Variants in CADM1 observed in about 807,000 individuals in gnomAD.
CADM1 encodes cell adhesion molecule 1, also known as TSLC-1.
Under a neutral mutation model 53.1 loss-of-function variants are expected in CADM1, and 15 were observed. The ratio of observed to expected loss-of-function variants is 0.28; its 90% CI spans 0.19 to 0.44. CADM1 has a LOEUF of 0.44. Ranked by LOEUF, CADM1 falls within the 20% of genes least tolerant of loss-of-function variation. CADM1 has a pLI of 1.00. For missense variants in CADM1, 434 were observed against 611.3 expected, an observed-to-expected ratio of 0.71 and a Z score of 3.06; for synonymous variants, 281 against 243.0, an observed-to-expected ratio of 1.16 and a Z score of -1.45.
At chr11:115,239,489 T>G (rs1252684605) in intron 2 of CADM1, among the ~76,000 whole-genome samples, 1 of 152,178 alleles carries the variant, frequency 6.6e-6, no homozygotes, top group African/African-American at 2.4e-5. Context: ...CTTTCTTAAT[T>G]TTGGCAAAGA....
intron 8 of CADM1, among the ~76,000 whole-genome samples, chr11:115,204,397 A>G (rs1211188739): frequency 6.6e-6 from 1 of 152,214 alleles, no homozygotes; most frequent in Non-Finnish European, 1.5e-5. Flanking sequence ...CAATGTGTGT[A>G]ACCTGTTCTC....
At chr11:115,442,487 G>T (rs1948339445) in intron 1 of CADM1, among the ~76,000 whole-genome samples, 1 of 152,106 alleles carries the variant, frequency 6.6e-6, no homozygotes, top group African/African-American at 2.4e-5. Context: ...ATCAGTGCAG[G>T]TACATTAGCC....
At chr11:115,218,677 G>C (rs540371470) in intron 5 of CADM1, among the ~76,000 whole-genome samples, 1 of 152,324 alleles carries the variant, frequency 6.6e-6, no homozygotes, top group South Asian at 2.1e-4. Flanking sequence ...CAGAGAGAGA[G>C]ACAGCCCCAT....
intron 1 of CADM1, among the ~76,000 whole-genome samples, chr11:115,379,292 C>A (rs1160667670): frequency 6.6e-6 from 1 of 152,174 alleles, no homozygotes; most frequent in Non-Finnish European, 1.5e-5. Context: ...ATATGTAATA[C>A]TGAAGACATT....
At position 115,438,686 on chromosome 11, in the gene CADM1, A is replaced by C. The variant is rs564145831; in HGVS notation, c.124+65585T>G. On this transcript the variant is annotated intron_variant, in intron 1 of 11. Coordinates refer to ENST00000331581, the MANE Select transcript of CADM1 (RefSeq NM_001301043.2). ...CTACATTTTCTAATGATACTAATAA[A>C]CTGTTAGAGAACTTTTACATAATAT... Among the ~76,000 whole-genome samples, 20 of 152,228 alleles carry C rather than the reference A, an allele frequency of 1.3e-4. No homozygotes were observed. The South Asian group carries it at 3.9e-3, about 30-fold the overall frequency.
intron 1 of CADM1, among the ~76,000 whole-genome samples, chr11:115,467,785 C>G: frequency 6.6e-6 from 1 of 152,136 alleles, no homozygotes; most frequent in Non-Finnish European, 1.5e-5. Flanking sequence ...TACTCTTCAG[C>G]AAGCCAAGGC....
intron 3 of CADM1, among the ~76,000 whole-genome samples, chr11:115,233,430 G>A (rs901723032): frequency 3.3e-5 from 5 of 152,144 alleles, no homozygotes; most frequent in African/African-American, 1.2e-4. Context: ...CTTTCACATA[G>A]TTCATCCATG....
intron 1 of CADM1, among the ~76,000 whole-genome samples, chr11:115,417,917 G>A (rs575589959): frequency 9.2e-5 from 14 of 152,256 alleles, no homozygotes; most frequent in African/African-American, 2.9e-4. Context: ...AACGACACCT[G>A]TAGTGAAGAT....
At chr11:115,340,836 T>G (rs1945427714) in intron 1 of CADM1, among the ~76,000 whole-genome samples, 1 of 150,582 alleles carries the variant, frequency 6.6e-6, no homozygotes, top group Admixed American at 6.6e-5. Flanking sequence ...AATTTTTGTA[T>G]TTTTAGTAGA....
At chr11:115,241,143 C>A (rs1386164400) in intron 1 of CADM1, among the ~76,000 whole-genome samples, 1 of 152,154 alleles carries the variant, frequency 6.6e-6, no homozygotes, top group Admixed American at 6.5e-5. Flanking sequence ...AAAGTCGAGG[C>A]TTTCAGATTC....
At chr11:115,354,431 A>G (rs1023987004) in intron 1 of CADM1, among the ~76,000 whole-genome samples, 1 of 152,154 alleles carries the variant, frequency 6.6e-6, no homozygotes, top group African/African-American at 2.4e-5. Context: ...TAACCCTGAT[A>G]TTCTTAAGAC....
At chr11:115,429,466 G>A (rs1211253076) in intron 1 of CADM1, among the ~76,000 whole-genome samples, 2 of 151,786 alleles carry the variant, frequency 1.3e-5, no homozygotes, top group African/African-American at 4.8e-5. Flanking sequence ...TTATCTGGGC[G>A]TTGCGGTGGG....
At chr11:115,280,296 C>T (rs542891918) in intron 1 of CADM1, among the ~76,000 whole-genome samples, 3 of 152,124 alleles carry the variant, frequency 2.0e-5, no homozygotes, top group Non-Finnish European at 4.4e-5. Context: ...ATCTCATTCT[C>T]CCAGAACTTG....
At chr11:115,315,590 T>C (rs1944643272) in intron 1 of CADM1, among the ~76,000 whole-genome samples, 1 of 151,888 alleles carries the variant, frequency 6.6e-6, no homozygotes, top group African/African-American at 2.4e-5. Context: ...CTGCAGTGTA[T>C]CTTTAAATAT....
At chr11:115,480,632 A>T (rs2135408685) in intron 1 of CADM1, among the ~76,000 whole-genome samples, 1 of 152,294 alleles carries the variant, frequency 6.6e-6, no homozygotes, top group East Asian at 1.9e-4. Context: ...TCAGCACACA[A>T]GGGGCCTTGG....
chr11:115,433,059 T>C (rs1425579867), intron 1 of CADM1, among the ~76,000 whole-genome samples: 1 of 152,150 alleles, frequency 6.6e-6, no homozygotes. Context: ...GATGTGTAAG[T>C]CACAAAGTCT....
chr11:115,327,606 T>C (rs1944993561), intron 1 of CADM1, among the ~76,000 whole-genome samples: 1 of 152,108 alleles, frequency 6.6e-6, no homozygotes, highest in African/African-American at 2.4e-5. Context: ...GTCAAACCTC[T>C]ACACAACACA....
chr11:115,402,638 T>C (rs1947190301), intron 1 of CADM1, among the ~76,000 whole-genome samples: 1 of 152,022 alleles, frequency 6.6e-6, no homozygotes, highest in Non-Finnish European at 1.5e-5. Flanking sequence ...TACAGAAGAA[T>C]AAGCAAAAAT....
intron 1 of CADM1, among the ~76,000 whole-genome samples, chr11:115,265,530 A>G (rs1329245015): frequency 6.6e-6 from 1 of 152,194 alleles, no homozygotes; most frequent in Non-Finnish European, 1.5e-5. Context: ...TGTATTTCTC[A>G]TATTTTTACG....
Sources: allele counts gnomAD v4.1 joint callset (sites outside exome capture counted in the v4.1 genomes callset), GRCh38; gene constraint gnomAD v4.1.1; transcripts MANE v1.5; gene names NCBI Gene and HGNC (gene_info 2026-07-23, HGNC 2026-07-21).